RNF213: variants seen among roughly 807,000 people sequenced by gnomAD.
RNF213 encodes the protein ring finger protein 213, also known as E3 ubiquitin-protein ligase RNF213.
Under a neutral mutation model 514.4 loss-of-function variants are expected in RNF213, and 341 were observed. The observed-to-expected ratio is 0.66, with a 90% CI of 0.61 to 0.73. RNF213 has a LOEUF of 0.73. Ranked by LOEUF, RNF213 falls within the 30% of genes least tolerant of loss-of-function variation. The probability of loss-of-function intolerance (pLI) is 0.00; values close to 1 mark genes in which losing one functional copy is unlikely to be tolerated. For synonymous variants in RNF213, 2,655 were observed against 2,658.2 expected (o/e 1.00, Z 0.04); for missense variants, 5,767 against 6,615.6 (o/e 0.87, Z 4.45).
At position 80,375,462 on chromosome 17, in the gene RNF213, G is replaced by T. The variant is rs58499055; in HGVS notation, c.13075-298G>T. Among the ~76,000 whole-genome samples the T allele has an allele frequency of 7.6e-3, 1,150 of 152,122 alleles. 18 individuals are homozygous for T. Among genetic ancestry groups the T allele is most frequent in the African/African-American group, 0.026 (1,089 of 41,514 alleles). ...CTATCCTATAATCCTAGCACTTTGG[G>T]AGGCCGAGGCATGCAGATCACAAGG... On this transcript the variant is annotated intron_variant, in intron 50 of 67. Coordinates refer to ENST00000582970, the MANE Select transcript of RNF213 (RefSeq NM_001256071.3).
intron 20 of RNF213, among the ~76,000 whole-genome samples, chr17:80,331,116 G>T (rs2143962446): frequency 6.6e-6 from 1 of 152,200 alleles, no homozygotes; most frequent in South Asian, 2.1e-4. Flanking sequence ...ACTGTGCCCA[G>T]CCTGGACCGT....
At chr17:80,322,130 A>T (rs912398115) in intron 17 of RNF213, among the ~76,000 whole-genome samples, 3 of 142,168 alleles carry the variant, frequency 2.1e-5, no homozygotes, top group Admixed American at 7.2e-5. Flanking sequence ...GTTTATTGAG[A>T]TATTTTGCCC....
intron 31 of RNF213, among the ~76,000 whole-genome samples, chr17:80,350,763 C>T (rs529848227): frequency 6.6e-6 from 1 of 152,346 alleles, no homozygotes; most frequent in African/African-American, 2.4e-5. Context: ...CCCACCACTG[C>T]AGTCCAGCCT....
chr17:80,346,024 G>C lies in RNF213; in HGVS notation c.7689G>C (p.Gln2563His), dbSNP rs1204182007. 1 of 1,614,104 alleles carries C rather than the reference G, an allele frequency of 6.2e-7. No individual in the cohort carries two copies. The highest frequency in any genetic ancestry group is 8.5e-7 in the Non-Finnish European group (1 of 1,180,050). Residue 2563 changes from glutamine (Q) to histidine (H), a missense_variant, in exon 29 of 68, where the codon CAG becomes CAC. By Grantham distance (24) the Gln-to-His change is conservative (BLOSUM62 0). Transcript: ENST00000582970. This position sits in a 1 kb window ranked among gnomAD's most constrained non-coding sequence, Gnocchi z 8.1. Reference sequence around the variant, plus strand: ...GGCTGGGCTCCATTCCTCTGAGGCAGCTGGTATACCGGGTCCATGCTCTGC... The same window carrying C: ...GGCTGGGCTCCATTCCTCTGAGGCACCTGGTATACCGGGTCCATGCTCTGC... ...ADRLGSIPLR[Q>H]LVYRVHALPP...
intron 22 of RNF213, among the ~76,000 whole-genome samples, chr17:80,335,846 G>A (rs1386979524): frequency 6.6e-6 from 1 of 151,940 alleles, no homozygotes; most frequent in Non-Finnish European, 1.5e-5. Context: ...GCGTGGTGGT[G>A]GGCGCCAGTA....
intron 1 of RNF213, among the ~76,000 whole-genome samples, chr17:80,261,379 A>G (rs910365864): frequency 6.6e-6 from 1 of 152,144 alleles, no homozygotes; most frequent in African/African-American, 2.4e-5. Flanking sequence ...CCCCGTCTGA[A>G]CCGCACCGCG....
Position 80,345,686 on chromosome 17 carries a change from G to A in RNF213, c.7351G>A (p.Val2451Met). 6.2e-7 allele frequency: 1 copy of A among 1,614,250 alleles called. No individual in the cohort carries two copies. The highest frequency in any genetic ancestry group is 1.1e-5 in the South Asian group (1 of 91,084). Residue 2451 changes from valine to methionine, a missense_variant, in exon 29 of 68, where the codon GTG (valine) becomes ATG (methionine). Coordinates refer to ENST00000582970, the MANE Select transcript of RNF213 (RefSeq NM_001256071.3). The surrounding 1 kb of genome is among the most constrained non-coding windows in gnomAD (Gnocchi z 6.0). Reference protein sequence around the residue: ...TNADTIKLVKVHGGTTADMIY... With the variant: ...TNADTIKLVKMHGGTTADMIY... ...TGCTGACACCATAAAGCTGGTCAAG[G>A]TGCACGGAGGAACAACTGCAGACAT...
intron 46 of RNF213, among the ~76,000 whole-genome samples, chr17:80,370,628 A>G (rs1438630247): frequency 6.6e-6 from 1 of 152,146 alleles, no homozygotes; most frequent in African/African-American, 2.4e-5. Context: ...TGAGGATTTG[A>G]CTTTTCAACG....
intron 3 of RNF213, among the ~76,000 whole-genome samples, chr17:80,284,086 A>C (rs1262217048): frequency 6.6e-6 from 1 of 151,870 alleles, no homozygotes; most frequent in East Asian, 1.9e-4. Context: ...ACGGCCGGGC[A>C]CAGTAGCTCA....
chr17:80,328,465 C>T lies in RNF213; in HGVS notation c.3505C>T (p.His1169Tyr). 2.0e-6 allele frequency: 3 copies of T among 1,537,248 alleles called. No individual in the cohort carries two copies. Among genetic ancestry groups the T allele is most frequent in the Non-Finnish European group, 2.6e-6 (3 of 1,146,900 alleles). The change falls in exon 20 of 68, where the codon CAT becomes TAT. Residue 1169 changes from histidine (H) to tyrosine (Y), a missense_variant. Transcript: ENST00000582970. ...CCTGAAGATGTGTGGGAACGTGAAA[C>T]ATCTGATACAAGGTGGTATTCCTGA... ...SLLKMCGNVK[H>Y]LIQVDFGVLA...
Position 80,395,326 on chromosome 17 carries a change from G to C in RNF213, c.*1828G>C, listed in dbSNP as rs920782155. On this transcript the variant is annotated 3_prime_UTR_variant, in exon 68 of 68. Coordinates refer to ENST00000582970, the MANE Select transcript of RNF213 (RefSeq NM_001256071.3). ...GCTGCTAAAGAACTCTTCTCTCTGG[G>C]GGCAGAGCTTCTATTTATGGCACAT... 3 of 152,062 alleles carry C rather than the reference G, an allele frequency of 2.0e-5. No individual in the cohort carries two copies. Among genetic ancestry groups the C allele is most frequent in the African/African-American group, 4.8e-5 (2 of 41,386 alleles). 9.4% of individuals were successfully genotyped at this position (152,062 alleles called of 1,614,324 possible). A position where few individuals can be genotyped will look rare whatever the true frequency, so the allele number is the denominator to read the frequency against.
chr17:80,275,412 T>A lies in RNF213; in HGVS notation c.261+2008T>A, dbSNP rs183930167. Among the ~76,000 whole-genome samples the A allele has an allele frequency of 3.7e-3, 565 of 152,112 alleles. 3 individuals are homozygous for A. The highest frequency in any genetic ancestry group is 0.013 in the African/African-American group (534 of 41,436). ...GCAAATGAATAAACCCTTTGCCATC[T>A]GGGGCAAACAATAAACCCGCCCAAA... On this transcript the variant is annotated intron_variant, in intron 3 of 67. Transcript: ENST00000582970.
At chr17:80,313,914 A>G (rs1429501152) in intron 15 of RNF213, among the ~76,000 whole-genome samples, 26 of 1,538 alleles carry the variant, frequency 0.017, no homozygotes, top group South Asian at 0.045. Context: ...GGTGGTGGTG[A>G]TGGTGGAGGT....
At chr17:80,355,479 G>A (rs1340056142) in intron 36 of RNF213, among the ~76,000 whole-genome samples, 3 of 116,342 alleles carry the variant, frequency 2.6e-5, no homozygotes, top group Non-Finnish European at 5.8e-5. Flanking sequence ...CGGGAATGGG[G>A]GCTCACAGAG....
chr17:80,345,495 C>T lies in RNF213; in HGVS notation c.7160C>T (p.Thr2387Ile). ...LCLTLGIPQA[T>I]DPDKTYELTT... ...CTGACCTTAGGGATCCCCCAGGCCA[C>T]CGACCCCGACAAAACGTATGAGCTC... The change falls in exon 29 of 68, where the codon ACC becomes ATC. Residue 2387 changes from threonine (T) to isoleucine (I), a missense_variant. Physicochemically the swap from Thr to Ile is moderately conservative, Grantham distance 89 (BLOSUM62 -1). Transcript: ENST00000582970. This position sits in a 1 kb window ranked among gnomAD's most constrained non-coding sequence, Gnocchi z 6.0. 1 of 1,610,342 alleles carries T rather than the reference C, an allele frequency of 6.2e-7. No individual in the cohort carries two copies. The highest frequency in any genetic ancestry group is 2.2e-5 in the East Asian group (1 of 44,800).
At chr17:80,340,480 T>C (rs1157072146) in intron 26 of RNF213, 124 bp downstream of exon 26, 2 of 906,046 alleles carry the variant, frequency 2.2e-6, no homozygotes, top group Non-Finnish European at 3.4e-6. Flanking sequence ...GTGTGATTCA[T>C]CTGTGGGTGT....
chr17:80,360,877 T>C (rs1181799825), intron 38 of RNF213, among the ~76,000 whole-genome samples: 1 of 152,194 alleles, frequency 6.6e-6, no homozygotes, highest in Non-Finnish European at 1.5e-5. Flanking sequence ...ATTCTGCCAC[T>C]TTTTCTCAAA....
Position 80,352,931 on chromosome 17 carries a change from T to C in RNF213, c.10304-9T>C. Reference sequence around the variant, plus strand: ...CAAAGACAGTTGTGGGTGGCTTCACTCTTCACAGGGCTGTGGCAGTCTGTC... The same window carrying C: ...CAAAGACAGTTGTGGGTGGCTTCACCCTTCACAGGGCTGTGGCAGTCTGTC... On this transcript the variant is annotated splice_polypyrimidine_tract_variant and intron_variant, in intron 32 of 67. Coordinates refer to ENST00000582970, the MANE Select transcript of RNF213 (RefSeq NM_001256071.3). 6.2e-7 allele frequency: 1 copy of C among 1,614,004 alleles called. No homozygotes were observed. Among genetic ancestry groups the C allele is most frequent in the Non-Finnish European group, 8.5e-7 (1 of 1,180,052 alleles).
chr17:80,269,815 T>C (rs1037295368), intron 2 of RNF213, among the ~76,000 whole-genome samples: 3 of 152,368 alleles, frequency 2.0e-5, no homozygotes, highest in Admixed American at 2.0e-4. Flanking sequence ...CCTACCTACA[T>C]ATTCTATAGT....
Sources: gnomAD v4.1 joint callset for allele counts (sites outside exome capture counted in the v4.1 genomes callset) on GRCh38, gnomAD v4.1.1 for gene constraint, Gnocchi (gnomAD v3.1) non-coding constraint, MANE v1.5 for transcripts, NCBI Gene and HGNC (gene_info 2026-07-23, HGNC 2026-07-21) for gene names.